POLA1: variants seen among roughly 807,000 people sequenced by gnomAD.
The protein encoded by POLA1 is DNA polymerase alpha 1, catalytic subunit.
A neutral mutation model predicts 124.0 loss-of-function variants in POLA1; 15 were observed. The observed-to-expected ratio is 0.12, with a 90% CI of 0.08 to 0.19. The LOEUF (loss-of-function observed/expected upper bound fraction) is 0.19. POLA1 is among the 10% of genes least tolerant of loss of function. The pLI is 1.00. For missense variants in POLA1, 886 were observed against 1,103.4 expected, an observed-to-expected ratio of 0.80 and a Z score of 2.79; for synonymous variants, 408 against 389.4, an observed-to-expected ratio of 1.05 and a Z score of -0.56.
At chrX:24,827,509 C>A (rs191392377) in intron 32 of POLA1, among the ~76,000 whole-genome samples, 1 of 112,381 alleles carries the variant, frequency 8.9e-6, no homozygotes, top group African/African-American at 3.2e-5. Context: ...ATGTATCCAG[C>A]CTTATTTCTT....
intron 31 of POLA1, among the ~76,000 whole-genome samples, chrX:24,823,901 G>T (rs750058760): frequency 1.8e-5 from 2 of 112,527 alleles, no homozygotes; most frequent in Non-Finnish European, 3.8e-5. Context: ...GGTTGTTAGC[G>T]CATTAAACCT....
chrX:24,817,005 A>G (rs953143348), intron 30 of POLA1, among the ~76,000 whole-genome samples: 1 of 111,908 alleles, frequency 8.9e-6, no homozygotes, highest in South Asian at 3.8e-4. Flanking sequence ...ATAATTATCA[A>G]CTTATAGTGA....
chrX:24,970,002 G>C lies in POLA1; in HGVS notation c.4262-25803G>C, dbSNP rs55664602. ...ATGTGCCTAGAAAGGACATGACCTC[G>C]TTCCTTTTTTATGGCTGCATAGTAT... On this transcript the variant is annotated intron_variant, in intron 36 of 36. Transcript: ENST00000379068. Among the ~76,000 whole-genome samples, 1,073 of 112,487 alleles carry C rather than the reference G, an allele frequency of 9.5e-3. 14 individuals are homozygous for C. Among genetic ancestry groups the C allele is most frequent in the African/African-American group, 0.032 (997 of 30,938 alleles).
Position 24,732,415 on chromosome X carries a change from A to C in POLA1, c.1732A>C (p.Lys578Gln). 1 of 1,197,665 alleles carries C rather than the reference A, an allele frequency of 8.3e-7. No homozygotes were observed. Residue 578 changes from lysine to glutamine, a missense_variant, in exon 16 of 37, where the codon AAA becomes CAA. Physicochemically the swap from Lys to Gln is moderately conservative, Grantham distance 53 (BLOSUM62 1). Coordinates refer to ENST00000379068, the MANE Select transcript of POLA1 (RefSeq NM_001330360.2). ...GGTCCATCACAGTTTTGCATTGGAT[A>C]AAGCAGCCCCAAAGCCTCCCTTTCA... is the stretch of plus-strand genomic sequence containing the variant. Reference protein sequence around the residue: ...ALVHHSFALDKAAPKPPFQSH... With the variant: ...ALVHHSFALDQAAPKPPFQSH...
intron 24 of POLA1, among the ~76,000 whole-genome samples, chrX:24,748,094 G>C (rs967361312): frequency 7.2e-5 from 8 of 111,717 alleles, no homozygotes; most frequent in Non-Finnish European, 1.3e-4. Context: ...GGAGATATTG[G>C]GAATGACAGC....
chrX:24,958,569 C>T (rs950674938), intron 36 of POLA1, among the ~76,000 whole-genome samples: 29 of 112,338 alleles, frequency 2.6e-4, no homozygotes, highest in African/African-American at 7.1e-4. Flanking sequence ...GAATATTGGA[C>T]AGCCATTACA....
chrX:24,771,339 C>T (rs2045030169), intron 26 of POLA1, among the ~76,000 whole-genome samples: 1 of 111,514 alleles, frequency 9.0e-6, no homozygotes, highest in Admixed American at 9.5e-5. Context: ...GAATGTTTCA[C>T]ACACTCTCAA....
chrX:24,816,214 A>G (rs2045986556), intron 30 of POLA1, among the ~76,000 whole-genome samples: 1 of 112,476 alleles, frequency 8.9e-6, no homozygotes, highest in Non-Finnish European at 1.9e-5. Flanking sequence ...TGCTTTGTAA[A>G]AGGATGATAC....
chrX:24,952,286 C>G (rs145952440), intron 36 of POLA1, among the ~76,000 whole-genome samples: 1 of 112,071 alleles, frequency 8.9e-6, no homozygotes, highest in Non-Finnish European at 1.9e-5. Context: ...TTGTATTTCT[C>G]AGTTAATAGT....
In POLA1 at chrX:24,986,269, AG is replaced by A. The variant is rs1183446728; in HGVS notation, c.4262-9533del. On this transcript the variant is annotated intron_variant, in intron 36 of 36. Coordinates refer to ENST00000379068, the MANE Select transcript of POLA1 (RefSeq NM_001330360.2). Reference sequence around the variant, plus strand: ...GATGCCAGTATTAAAATAGCTAAGTAGGGTGGAGCACTGCCACCCATTACCT... The same window carrying A: ...GATGCCAGTATTAAAATAGCTAAGTAGGTGGAGCACTGCCACCCATTACCT... Among the ~76,000 whole-genome samples the A allele has an allele frequency of 5.4e-5, 6 of 111,937 alleles. No homozygotes were observed. The East Asian group carries it at 1.7e-3, about 31-fold the overall frequency.
chrX:24,929,832 C>T (rs1315072296), intron 35 of POLA1, among the ~76,000 whole-genome samples: 1 of 111,818 alleles, frequency 8.9e-6, no homozygotes, highest in Non-Finnish European at 1.9e-5. Flanking sequence ...TGAATTGGAA[C>T]TTGGCAAGGT....
intron 36 of POLA1, among the ~76,000 whole-genome samples, chrX:24,949,984 G>A (rs754583074): frequency 1.8e-5 from 2 of 110,788 alleles, no homozygotes; most frequent in Admixed American, 9.6e-5. Flanking sequence ...CGCCCACCTC[G>A]GCCTCCCAAA....
intron 17 of POLA1, among the ~76,000 whole-genome samples, chrX:24,734,858 C>A (rs1207567230): frequency 1.8e-5 from 2 of 111,829 alleles, no homozygotes; most frequent in African/African-American, 6.5e-5. Context: ...TCAAGTGATT[C>A]ACCCGCCTCA....
intron 36 of POLA1, among the ~76,000 whole-genome samples, chrX:24,967,825 G>A (rs1364427657): frequency 9.0e-6 from 1 of 111,389 alleles, no homozygotes; most frequent in Non-Finnish European, 1.9e-5. Flanking sequence ...AGCTGTGCCT[G>A]GGGTGAGTTA....
intron 36 of POLA1, among the ~76,000 whole-genome samples, chrX:24,995,289 CT>C (rs1267609208): frequency 9.0e-6 from 1 of 111,115 alleles, no homozygotes; most frequent in Non-Finnish European, 1.9e-5. Flanking sequence ...CCGCTCACCT[CT>C]CGCCTCTTTC....
chrX:24,952,895 G>A (rs2048064490), intron 36 of POLA1, among the ~76,000 whole-genome samples: 1 of 112,231 alleles, frequency 8.9e-6, no homozygotes, highest in Non-Finnish European at 1.9e-5. Flanking sequence ...TGGTGATACA[G>A]TGAGTGCTGA....
rs1428772912 is a variant in POLA1, at chrX:24,714,591, T to G, written c.384T>G (p.Asn128Lys). ...AAGCACGCAATAAAGACAAGAGGAA[T>G]GTAAAGAAGCTCGCAGTGACAAAAC... Reference protein sequence around the residue: ...DGKARNKDKRNVKKLAVTKPN... With the variant: ...DGKARNKDKRKVKKLAVTKPN... The change falls in exon 5 of 37, where the codon AAT (asparagine) becomes AAG (lysine). Residue 128 changes from asparagine to lysine, a missense_variant. By Grantham distance (94) the Asn-to-Lys change is moderately conservative (BLOSUM62 0). Coordinates refer to ENST00000379068, the MANE Select transcript of POLA1 (RefSeq NM_001330360.2). 4 of 1,199,680 alleles carry G rather than the reference T, an allele frequency of 3.3e-6. No individual in the cohort carries two copies. The South Asian group carries it at 7.3e-5, about 22-fold the overall frequency.
At chrX:24,709,165 C>T (rs1282468556) in intron 4 of POLA1, among the ~76,000 whole-genome samples, 47 of 83,262 alleles carry the variant, frequency 5.6e-4, no homozygotes, top group African/African-American at 1.9e-3. Flanking sequence ...CCTCACCTCC[C>T]GGACGGGGCG....
intron 22 of POLA1, among the ~76,000 whole-genome samples, chrX:24,742,921 C>T (rs6526403): frequency 0.062 from 6,884 of 111,706 alleles, 508 homozygotes; most frequent in African/African-American, 0.21. Flanking sequence ...TTTTATATAA[C>T]ATGAAAAGTG....
Sources: gnomAD v4.1 joint callset for allele counts (sites outside exome capture counted in the v4.1 genomes callset) on GRCh38, gnomAD v4.1.1 for gene constraint, MANE v1.5 for transcripts, NCBI Gene and HGNC (gene_info 2026-07-23, HGNC 2026-07-21) for gene names.